Variants in NCAM2 observed in about 807,000 individuals in gnomAD.
The protein encoded by NCAM2 is neural cell adhesion molecule 2.
Under a neutral mutation model 98.1 loss-of-function variants are expected in NCAM2, and 30 were observed. The ratio of observed to expected loss-of-function variants is 0.31; its 90% CI spans 0.23 to 0.41. NCAM2 has a LOEUF of 0.41. NCAM2 is among the 10% of genes least tolerant of loss of function. NCAM2 has a pLI of 1.00. For synonymous variants in NCAM2, 368 were observed against 342.4 expected (o/e 1.07, Z -0.83); for missense variants, 867 against 1,005.8 (o/e 0.86, Z 1.87).
rs753531039 is a variant in NCAM2 at position 21,432,294 on chromosome 21, T to G, written c.1654+13T>G. The stretch of plus-strand genomic sequence containing the variant: ...CATGGAGTTCAAAGTGAGTCAACAA[T>G]TTCAAAATGTGTTGGTTAATTCAAG... On this transcript the variant is annotated intron_variant, in intron 12 of 17. Transcript: ENST00000400546. 11 of 1,610,466 alleles carry G rather than the reference T, an allele frequency of 6.8e-6. No homozygotes were observed. The highest frequency in any genetic ancestry group is 8.5e-6 in the Non-Finnish European group (10 of 1,177,374).
intron 16 of NCAM2, among the ~76,000 whole-genome samples, chr21:21,521,153 C>T (rs896210370): frequency 1.3e-5 from 2 of 152,120 alleles, no homozygotes; most frequent in African/African-American, 4.8e-5. Context: ...TATGTTTCCC[C>T]CTGGAAATCC....
chr21:21,166,557 A>G (rs2067958624), intron 1 of NCAM2, among the ~76,000 whole-genome samples: 1 of 152,134 alleles, frequency 6.6e-6, no homozygotes, highest in African/African-American at 2.4e-5. Context: ...GTATACCATC[A>G]TATTCTCTGA....
intron 16 of NCAM2, among the ~76,000 whole-genome samples, chr21:21,532,948 T>G (rs1210025944): frequency 2.0e-5 from 3 of 152,060 alleles, no homozygotes; most frequent in African/African-American, 7.2e-5. Context: ...CTAAAAAAGT[T>G]TATTCACTTC....
intron 1 of NCAM2, among the ~76,000 whole-genome samples, chr21:21,046,682 C>CA (rs1291148172): frequency 6.6e-6 from 1 of 152,162 alleles, no homozygotes; most frequent in Non-Finnish European, 1.5e-5. Flanking sequence ...GCTTATTTCT[C>CA]AGTTATGTGA....
intron 1 of NCAM2, among the ~76,000 whole-genome samples, chr21:21,047,740 C>T (rs1160049227): frequency 1.3e-5 from 2 of 152,054 alleles, no homozygotes; most frequent in Non-Finnish European, 2.9e-5. Context: ...GGCCATTTTA[C>T]TGCTTATTTT....
chr21:21,053,259 G>A (rs1031090521), intron 1 of NCAM2, among the ~76,000 whole-genome samples: 21 of 151,900 alleles, frequency 1.4e-4, no homozygotes, highest in Non-Finnish European at 2.8e-4. Flanking sequence ...AATTTGTGGC[G>A]ACATCAGAAT....
chr21:21,336,966 T>C (rs182433073), intron 7 of NCAM2, among the ~76,000 whole-genome samples: 80 of 152,284 alleles, frequency 5.3e-4, no homozygotes, highest in African/African-American at 1.8e-3. Context: ...GCTAAGAGCC[T>C]GGAGAAGATT....
At chr21:21,469,531 C>T (rs1984156779) in intron 14 of NCAM2, among the ~76,000 whole-genome samples, 1 of 151,898 alleles carries the variant, frequency 6.6e-6, no homozygotes, top group African/African-American at 2.4e-5. Flanking sequence ...TTCTAAGATT[C>T]ATACAACATG....
intron 1 of NCAM2, among the ~76,000 whole-genome samples, chr21:21,103,911 C>A (rs1213500345): frequency 2.0e-5 from 3 of 151,928 alleles, no homozygotes; most frequent in African/African-American, 2.4e-5. Context: ...CATGTTAGTA[C>A]CATTTATCTG....
chr21:21,478,372 C>G (rs1985430141), intron 15 of NCAM2, among the ~76,000 whole-genome samples: 1 of 151,714 alleles, frequency 6.6e-6, no homozygotes, highest in Non-Finnish European at 1.5e-5. Flanking sequence ...ATTTATTTGT[C>G]TTATTATATT....
intron 14 of NCAM2, among the ~76,000 whole-genome samples, chr21:21,471,383 A>T (rs1390179467): frequency 6.6e-6 from 1 of 152,060 alleles, no homozygotes; most frequent in Non-Finnish European, 1.5e-5. Flanking sequence ...AAAGTTCTTG[A>T]TCATCTGTTC....
At chr21:21,464,371 A>G (rs1292947920) in intron 12 of NCAM2, among the ~76,000 whole-genome samples, 1 of 152,144 alleles carries the variant, frequency 6.6e-6, no homozygotes, top group African/African-American at 2.4e-5. Flanking sequence ...ATGAAGCATG[A>G]CTAGATATAG....
chr21:21,213,519 T>G (rs922625909), intron 1 of NCAM2, among the ~76,000 whole-genome samples: 7 of 152,170 alleles, frequency 4.6e-5, no homozygotes, highest in African/African-American at 1.7e-4. Flanking sequence ...TGAAGAATTT[T>G]CAAGATAAAG....
intron 12 of NCAM2, among the ~76,000 whole-genome samples, chr21:21,457,507 G>A (rs1252840926): frequency 6.6e-6 from 1 of 152,092 alleles, no homozygotes; most frequent in Non-Finnish European, 1.5e-5. Flanking sequence ...GGGCTTGGTG[G>A]CATGCGCCTG....
At chr21:21,336,743 C>T (rs910833321) in intron 7 of NCAM2, among the ~76,000 whole-genome samples, 1 of 151,794 alleles carries the variant, frequency 6.6e-6, no homozygotes, top group Non-Finnish European at 1.5e-5. Flanking sequence ...AGTGGAGTGA[C>T]AAGGAGAATA....
At chr21:21,419,103 T>C (rs2077053249) in intron 11 of NCAM2, among the ~76,000 whole-genome samples, 1 of 152,152 alleles carries the variant, frequency 6.6e-6, no homozygotes, top group Non-Finnish European at 1.5e-5. Flanking sequence ...TTTTAAATGT[T>C]AGCAAAGAAT....
intron 4 of NCAM2, among the ~76,000 whole-genome samples, chr21:21,286,660 C>T (rs377327722): frequency 6.6e-6 from 1 of 151,736 alleles, no homozygotes; most frequent in Admixed American, 6.6e-5. Flanking sequence ...CTGTCTGTGG[C>T]AGCTTTGGAG....
chr21:21,059,074 C>G (rs1432041481), intron 1 of NCAM2, among the ~76,000 whole-genome samples: 1 of 152,030 alleles, frequency 6.6e-6, no homozygotes, highest in Admixed American at 6.6e-5. Flanking sequence ...TTTATATTAA[C>G]TCTTTATTAA....
intron 15 of NCAM2, among the ~76,000 whole-genome samples, chr21:21,497,002 C>T (rs1332094964): frequency 1.3e-5 from 2 of 151,926 alleles, no homozygotes; most frequent in Non-Finnish European, 2.9e-5. Flanking sequence ...AAATGTGGCA[C>T]ATCTGCACCA....
Sources: gnomAD v4.1 joint callset for allele counts (sites outside exome capture counted in the v4.1 genomes callset) on GRCh38, gnomAD v4.1.1 for gene constraint, MANE v1.5 for transcripts, NCBI Gene and HGNC (gene_info 2026-07-23, HGNC 2026-07-21) for gene names.